The following CSMD1 variants were observed in gnomAD, a reference collection of about 807,000 sequenced individuals.
CSMD1 encodes the protein CUB and Sushi multiple domains 1, also known as CUB and sushi domain-containing protein 1.
CSMD1 carries 213 observed loss-of-function variants against 417.5 expected under a neutral mutation model. That is an observed-to-expected ratio of 0.51 (90% CI 0.46 to 0.57). The LOEUF (loss-of-function observed/expected upper bound fraction) is 0.57, where lower values mean the gene tolerates loss of function less well. Ranked by LOEUF, CSMD1 falls within the 20% of genes least tolerant of loss-of-function variation. CSMD1 has a pLI of 0.00. For synonymous variants in CSMD1, 2,862 were observed against 1,736.8 expected, an observed-to-expected ratio of 1.65 and a Z score of -16.11; for missense variants, 6,923 against 4,529.7, an observed-to-expected ratio of 1.53 and a Z score of -15.17.
intron 11 of CSMD1, among the ~76,000 whole-genome samples, chr8:3,490,108 TTC>T (rs1281306093): frequency 3.3e-5 from 5 of 152,334 alleles, no homozygotes; most frequent in Admixed American, 2.0e-4. Flanking sequence ...CTAGCTGTGA[TTC>T]TCTGTGTTCG....
chr8:3,305,785 T>C (rs1804790135), intron 25 of CSMD1, among the ~76,000 whole-genome samples: 2 of 152,184 alleles, frequency 1.3e-5, no homozygotes, highest in Non-Finnish European at 2.9e-5. Context: ...GTTCACACCA[T>C]TCTCCTGCCT....
chr8:4,775,979 G>A (rs1425390438), intron 1 of CSMD1, among the ~76,000 whole-genome samples: 4 of 152,104 alleles, frequency 2.6e-5, no homozygotes, highest in African/African-American at 9.7e-5. Flanking sequence ...TGAGACGGAG[G>A]GAACAGCAAC....
intron 4 of CSMD1, among the ~76,000 whole-genome samples, chr8:4,028,803 G>A (rs935817607): frequency 2.6e-5 from 4 of 152,130 alleles, no homozygotes; most frequent in African/African-American, 9.7e-5. Context: ...CAAATTTTCT[G>A]GCATCTCATT....
chr8:3,159,546 A>C (rs998904447), intron 38 of CSMD1, among the ~76,000 whole-genome samples: 2 of 152,214 alleles, frequency 1.3e-5, no homozygotes, highest in Non-Finnish European at 2.9e-5. Context: ...TTTCATGACT[A>C]ATATGTAATT....
intron 25 of CSMD1, among the ~76,000 whole-genome samples, chr8:3,291,207 T>C (rs1284596124): frequency 6.6e-6 from 1 of 152,184 alleles, no homozygotes; most frequent in Admixed American, 6.5e-5. Flanking sequence ...CTTTTTGATG[T>C]ATTGCTGGAT....
At chr8:4,556,700 C>T (rs774597146) in intron 2 of CSMD1, among the ~76,000 whole-genome samples, 13 of 152,096 alleles carry the variant, frequency 8.5e-5, no homozygotes, top group Non-Finnish European at 1.6e-4. Flanking sequence ...GTTTAATTAG[C>T]GGAAACACAT....
intron 4 of CSMD1, among the ~76,000 whole-genome samples, chr8:4,024,731 G>C (rs1414142924): frequency 6.6e-6 from 1 of 152,122 alleles, no homozygotes; most frequent in East Asian, 1.9e-4. Context: ...TTGCACATAG[G>C]AGCTACTGCA....
chr8:4,665,226 G>A (rs1804844761), intron 1 of CSMD1, among the ~76,000 whole-genome samples: 1 of 152,018 alleles, frequency 6.6e-6, no homozygotes, highest in South Asian at 2.1e-4. Context: ...GTTCTCCCAC[G>A]ACCTTCCTCT....
At chr8:4,454,336 C>G (rs924926355) in intron 2 of CSMD1, among the ~76,000 whole-genome samples, 1 of 152,178 alleles carries the variant, frequency 6.6e-6, no homozygotes. Context: ...AGTAGACATG[C>G]AGCTTCATCT....
At chr8:3,517,584 T>C (rs1051087146) in intron 10 of CSMD1, among the ~76,000 whole-genome samples, 20 of 152,206 alleles carry the variant, frequency 1.3e-4, no homozygotes, top group African/African-American at 4.6e-4. Flanking sequence ...TCCTCTGCAA[T>C]ACCAAATACA....
intron 22 of CSMD1, among the ~76,000 whole-genome samples, chr8:3,345,649 TC>T (rs1396016196): frequency 6.6e-6 from 1 of 152,060 alleles, no homozygotes; most frequent in Admixed American, 6.5e-5. Flanking sequence ...TTAGAGAAAG[TC>T]TTTGGGATTC....
At chr8:4,040,082 A>T (rs1286345049) in intron 3 of CSMD1, among the ~76,000 whole-genome samples, 2 of 152,228 alleles carry the variant, frequency 1.3e-5, no homozygotes, top group Non-Finnish European at 2.9e-5. Flanking sequence ...ACAATTTTCA[A>T]AGTATACAGA....
At chr8:4,311,826 C>A (rs149068589) in intron 3 of CSMD1, among the ~76,000 whole-genome samples, 1 of 151,270 alleles carries the variant, frequency 6.6e-6, no homozygotes, top group Non-Finnish European at 1.5e-5. Context: ...GTGGAGAGTG[C>A]GAAGGAGAGG....
chr8:3,751,541 T>C (rs1797343511), intron 6 of CSMD1, among the ~76,000 whole-genome samples: 1 of 150,034 alleles, frequency 6.7e-6, no homozygotes, highest in Non-Finnish European at 1.5e-5. Flanking sequence ...TATACAAGAA[T>C]GAAGTGTGTA....
At chr8:3,163,529 G>A (rs950396571) in intron 37 of CSMD1, among the ~76,000 whole-genome samples, 7 of 151,944 alleles carry the variant, frequency 4.6e-5, no homozygotes, top group African/African-American at 1.2e-4. Flanking sequence ...GTCCCCACGC[G>A]GGGCTCTGCC....
chr8:3,297,591 T>A (rs1022757193), intron 25 of CSMD1, among the ~76,000 whole-genome samples: 1 of 152,172 alleles, frequency 6.6e-6, no homozygotes, highest in Admixed American at 6.5e-5. Context: ...AATTGTCAAT[T>A]GAACTTAACT....
chr8:4,926,630 T>A (rs1228009319), intron 1 of CSMD1, among the ~76,000 whole-genome samples: 1 of 152,222 alleles, frequency 6.6e-6, no homozygotes, highest in African/African-American at 2.4e-5. Context: ...TATAGTTCCT[T>A]AATTCTTGAT....
intron 3 of CSMD1, among the ~76,000 whole-genome samples, chr8:4,079,093 G>T (rs1031819921): frequency 6.6e-6 from 1 of 151,682 alleles, no homozygotes; most frequent in Non-Finnish European, 1.5e-5. Context: ...ACCAGGGTCG[G>T]TTCAAATAGG....
At chr8:4,847,857 TTA>T (rs920970006) in intron 1 of CSMD1, among the ~76,000 whole-genome samples, 1 of 152,024 alleles carries the variant, frequency 6.6e-6, no homozygotes, top group African/African-American at 2.4e-5. Context: ...CAGTGTTTCA[TTA>T]TATTCCCAGA....
Sources: allele counts gnomAD v4.1 joint callset (sites outside exome capture counted in the v4.1 genomes callset), GRCh38; gene constraint gnomAD v4.1.1; transcripts MANE v1.5; gene names NCBI Gene and HGNC (gene_info 2026-07-23, HGNC 2026-07-21).